The following CHRM3 variants were observed in gnomAD, a reference collection of about 807,000 sequenced individuals.
CHRM3 encodes the protein cholinergic receptor muscarinic 3, also known as muscarinic acetylcholine receptor M3.
CHRM3 carries 11 observed loss-of-function variants against 41.8 expected under a neutral mutation model. The ratio of observed to expected loss-of-function variants is 0.26; its 90% confidence interval spans 0.17 to 0.44. The LOEUF is 0.44. CHRM3 is among the 20% of genes least tolerant of loss of function. The pLI, the probability that CHRM3 is intolerant of heterozygous loss-of-function variation, is 1.00. For synonymous variants in CHRM3, 297 were observed against 301.4 expected (o/e 0.99, Z 0.15); for missense variants, 571 against 745.4 (o/e 0.77, Z 2.72).
At chr1:239,506,134 A>C (rs1304787274) in intron 2 of CHRM3, among the ~76,000 whole-genome samples, 2 of 152,092 alleles carry the variant, frequency 1.3e-5, no homozygotes, top group African/African-American at 4.8e-5. Context: ...AATGAGATAG[A>C]AAAAAAATCT....
chr1:239,575,249 A>G (rs1314609252), intron 3 of CHRM3, among the ~76,000 whole-genome samples: 2 of 152,186 alleles, frequency 1.3e-5, no homozygotes, highest in Admixed American at 1.3e-4. Context: ...CTTCACATAA[A>G]AAAAGGTGAA....
chr1:239,888,622 T>G (rs900463962), intron 6 of CHRM3, among the ~76,000 whole-genome samples: 5 of 146,670 alleles, frequency 3.4e-5, no homozygotes, highest in African/African-American at 5.0e-5. Context: ...AAAGTGGCAA[T>G]GAAAAATAGA....
intron 3 of CHRM3, among the ~76,000 whole-genome samples, chr1:239,622,775 G>A (rs72758715): frequency 0.35 from 52,854 of 151,958 alleles, 9,643 homozygotes; most frequent in East Asian, 0.65. Context: ...AGAATATTAC[G>A]TAAACTTAGT....
chr1:239,463,859 C>T (rs1471482531), intron 1 of CHRM3, among the ~76,000 whole-genome samples: 1 of 152,186 alleles, frequency 6.6e-6, no homozygotes, highest in Admixed American at 6.5e-5. Context: ...CCCGCCAGCT[C>T]CTGGCAACCA....
intron 6 of CHRM3, among the ~76,000 whole-genome samples, chr1:239,893,887 C>T (rs1489176572): frequency 1.3e-5 from 2 of 152,110 alleles, no homozygotes; most frequent in Non-Finnish European, 2.9e-5. Flanking sequence ...ATTCTTTGCT[C>T]GGTATCTTAC....
intron 3 of CHRM3, among the ~76,000 whole-genome samples, chr1:239,571,540 G>A (rs1558328797): frequency 6.6e-6 from 1 of 152,136 alleles, no homozygotes; most frequent in Non-Finnish European, 1.5e-5. Context: ...TAGGGACACT[G>A]ACCTGTTTTA....
At chr1:239,641,184 A>T (rs1303529599) in intron 4 of CHRM3, among the ~76,000 whole-genome samples, 1 of 152,144 alleles carries the variant, frequency 6.6e-6, no homozygotes, top group Admixed American at 6.5e-5. Context: ...TTTACTTCCA[A>T]CTATGTGGTC....
At chr1:239,792,300 C>T (rs1669414597) in intron 5 of CHRM3, among the ~76,000 whole-genome samples, 1 of 152,202 alleles carries the variant, frequency 6.6e-6, no homozygotes, top group Non-Finnish European at 1.5e-5. Flanking sequence ...ATGGACAAGA[C>T]ATGAAGATCT....
chr1:239,702,671 C>T (rs61834825), intron 5 of CHRM3, among the ~76,000 whole-genome samples: 6,214 of 152,324 alleles, frequency 0.041, 210 homozygotes, highest in African/African-American at 0.08. Context: ...AGCGCAGTGG[C>T]GCGATCTCAG....
At chr1:239,478,553 T>C (rs142983829) in intron 1 of CHRM3, among the ~76,000 whole-genome samples, 3 of 152,142 alleles carry the variant, frequency 2.0e-5, no homozygotes, top group Non-Finnish European at 4.4e-5. Flanking sequence ...ATGTGTGACA[T>C]TTCAGCAGAG....
Position 239,912,013 on chromosome 1 carries a change from G to A in CHRM3, c.*2789G>A, listed in dbSNP as rs1354010082. ...GATCAAAATGTCTTCATCCCAAATT[G>A]GGAATCGAATTATTTCATGCCATAT... is the stretch of plus-strand genomic sequence containing the variant. On this transcript the variant is annotated 3_prime_UTR_variant, in exon 7 of 7. Coordinates refer to ENST00000676153, the MANE Select transcript of CHRM3 (RefSeq NM_001375978.1). 1.2e-5 allele frequency: 2 copies of A among 166,996 alleles called. No individual in the cohort carries two copies. Among genetic ancestry groups the A allele is most frequent in the Non-Finnish European group, 2.9e-5 (2 of 68,108 alleles). 10.3% of individuals were successfully genotyped at this position (166,996 alleles called of 1,614,324 possible).
At position 239,790,839 on chromosome 1, in the gene CHRM3, C is replaced by T. The variant is rs559552419; in HGVS notation, c.-146-36413C>T. ...ACTGTGCTTGGGCCTCAAAATATAG[C>T]TTTGTGGACATCAGAGTCAATGGCA... On this transcript the variant is annotated intron_variant, in intron 5 of 6. Coordinates refer to ENST00000676153, the MANE Select transcript of CHRM3 (RefSeq NM_001375978.1). Among the ~76,000 whole-genome samples, 7 of 152,234 alleles carry T rather than the reference C, an allele frequency of 4.6e-5. No homozygotes were observed. In the South Asian group the frequency reaches 1.0e-3, roughly 23 times the overall value.
intron 6 of CHRM3, among the ~76,000 whole-genome samples, chr1:239,885,348 G>T (rs1405823895): frequency 6.6e-6 from 1 of 152,146 alleles, no homozygotes; most frequent in Non-Finnish European, 1.5e-5. Context: ...GAGGTCCGGA[G>T]TACGGTCCAA....
intron 5 of CHRM3, among the ~76,000 whole-genome samples, chr1:239,746,517 TAGAC>T (rs1486683908): frequency 1.3e-5 from 2 of 152,196 alleles, no homozygotes; most frequent in Non-Finnish European, 1.5e-5. Flanking sequence ...AAAATATACA[TAGAC>T]AGGTTGAAGG....
chr1:239,565,883 A>T (rs909186539), intron 3 of CHRM3, among the ~76,000 whole-genome samples: 3 of 151,176 alleles, frequency 2.0e-5, no homozygotes, highest in Non-Finnish European at 2.9e-5. Context: ...CATGAGCAAA[A>T]TGATTTTCAC....
intron 6 of CHRM3, among the ~76,000 whole-genome samples, chr1:239,857,853 G>GT (rs1675252742): frequency 6.6e-6 from 1 of 152,112 alleles, no homozygotes; most frequent in East Asian, 1.9e-4. Context: ...CTTTAATCAT[G>GT]TTTTGCCACT....
chr1:239,801,548 C>T (rs1233942458), intron 5 of CHRM3, among the ~76,000 whole-genome samples: 2 of 152,124 alleles, frequency 1.3e-5, no homozygotes, highest in African/African-American at 2.4e-5. Context: ...AGCAGATTAG[C>T]TGTGTTTTCT....
intron 6 of CHRM3, among the ~76,000 whole-genome samples, chr1:239,871,140 T>G (rs1182592714): frequency 6.6e-6 from 1 of 152,174 alleles, no homozygotes; most frequent in Non-Finnish European, 1.5e-5. Context: ...CTAGAATGTA[T>G]TTAAATATAT....
At chr1:239,487,846 G>C (rs1013938016) in intron 1 of CHRM3, among the ~76,000 whole-genome samples, 4 of 145,048 alleles carry the variant, frequency 2.8e-5, no homozygotes, top group African/African-American at 1.0e-4. Context: ...AATATGCTTG[G>C]GTAATATTTG....
Sources: gnomAD v4.1 joint callset for allele counts (sites outside exome capture counted in the v4.1 genomes callset) on GRCh38, gnomAD v4.1.1 for gene constraint, MANE v1.5 for transcripts, NCBI Gene and HGNC (gene_info 2026-07-23, HGNC 2026-07-21) for gene names.